The following DSE variants were observed in gnomAD, a reference collection of about 807,000 sequenced individuals.
DSE encodes dermatan sulfate epimerase, also known as dermatan-sulfate epimerase.
A neutral mutation model predicts 84.4 loss-of-function variants in DSE; 36 were observed. That is an observed-to-expected ratio of 0.43 (90% CI 0.33 to 0.56). The LOEUF is 0.56. Ranked by LOEUF, DSE falls within the 20% of genes least tolerant of loss-of-function variation. DSE has a pLI of 0.06. For missense variants in DSE, 862 were observed against 1,169.6 expected, an observed-to-expected ratio of 0.74 and a Z score of 3.84; for synonymous variants, 410 against 430.1, an observed-to-expected ratio of 0.95 and a Z score of 0.58.
chr6:116,438,076 G>A lies in DSE; in HGVS notation c.*731G>A, dbSNP rs202222947. On this transcript the variant is annotated 3_prime_UTR_variant, in exon 6 of 6. Coordinates refer to ENST00000644252, the MANE Select transcript of DSE (RefSeq NM_013352.4). ...TTGTTCAATAAGTGAGATGATTACA[G>A]ATAATACTGTATTTTCCTTATATGG... The A allele has an allele frequency of 1.6e-5, 1 of 60,826 alleles. No individual in the cohort carries two copies. The highest frequency in any genetic ancestry group is 2.0e-4 in the Admixed American group (1 of 4,928). 3.8% of individuals were successfully genotyped at this position (60,826 alleles called of 1,614,324 possible).
intron 2 of DSE, chr6:116,400,627 A>C (rs1371618178): frequency 1.3e-5 from 2 of 152,220 alleles, no homozygotes; most frequent in Non-Finnish European, 2.9e-5. Flanking sequence ...GTATTATGCA[A>C]GAGTTGGCAT....
intron 2 of DSE, among the ~76,000 whole-genome samples, chr6:116,326,855 C>A (rs529993033): frequency 1.3e-5 from 2 of 152,180 alleles, no homozygotes; most frequent in African/African-American, 4.8e-5. Flanking sequence ...TTTCTTACTT[C>A]ATTCTAGTAG....
chr6:116,288,855 A>G (rs183975688), intron 2 of DSE, among the ~76,000 whole-genome samples: 1 of 152,144 alleles, frequency 6.6e-6, no homozygotes, highest in East Asian at 1.9e-4. Context: ...ATGCCATACC[A>G]CAGAGGTAGC....
chr6:116,433,608 TA>T, intron 5 of DSE, 58 bp downstream of exon 5: 1 of 1,506,720 alleles, frequency 6.6e-7, no homozygotes, highest in Non-Finnish European at 9.0e-7. Flanking sequence ...CTATTCATGC[TA>T]TGCACTTGTT....
At chr6:116,348,802 A>C (rs1184501255) in intron 2 of DSE, among the ~76,000 whole-genome samples, 1 of 152,240 alleles carries the variant, frequency 6.6e-6, no homozygotes, top group East Asian at 1.9e-4. Flanking sequence ...GCCATAAAAA[A>C]GGATGAGTTC....
chr6:116,410,336 A>G lies in DSE; in HGVS notation c.416+10670A>G, dbSNP rs184576870. ...AGACTACCCTGATGCCCCAGTGCCT[A>G]CAGGCGTCATGTCCTTGTGTTCCCT... On this transcript the variant is annotated intron_variant, in intron 2 of 5. Coordinates refer to ENST00000644252, the MANE Select transcript of DSE (RefSeq NM_013352.4). Among the ~76,000 whole-genome samples, 37 of 152,254 alleles carry G rather than the reference A, an allele frequency of 2.4e-4. No individual in the cohort carries two copies. In the East Asian group the frequency reaches 5.8e-3, roughly 24 times the overall value.
intron 2 of DSE, among the ~76,000 whole-genome samples, chr6:116,275,901 T>C (rs191884743): frequency 6.6e-6 from 1 of 152,114 alleles, no homozygotes; most frequent in African/African-American, 2.4e-5. Context: ...AGAGTGAACA[T>C]GGGAAAAACA....
intron 2 of DSE, among the ~76,000 whole-genome samples, chr6:116,343,426 G>C (rs546748778): frequency 6.6e-6 from 1 of 152,178 alleles, no homozygotes; most frequent in East Asian, 1.9e-4. Context: ...CATACAGCCA[G>C]GTCCCCCTCT....
chr6:116,284,061 C>T (rs932497650), intron 2 of DSE, among the ~76,000 whole-genome samples: 4 of 152,052 alleles, frequency 2.6e-5, no homozygotes, highest in Non-Finnish European at 5.9e-5. Context: ...TTCACTACCC[C>T]CAAAGATAGT....
intron 2 of DSE, among the ~76,000 whole-genome samples, chr6:116,361,012 T>G (rs1778855280): frequency 6.6e-6 from 1 of 152,172 alleles, no homozygotes; most frequent in African/African-American, 2.4e-5. Context: ...ATAGAGCCAT[T>G]TATATTCTAA....
intron 2 of DSE, among the ~76,000 whole-genome samples, chr6:116,360,462 T>C (rs918514808): frequency 1.3e-5 from 2 of 152,224 alleles, no homozygotes; most frequent in Admixed American, 6.5e-5. Context: ...ATTTTACTTA[T>C]TGAAACATGG....
chr6:116,344,173 G>T (rs1205621085), intron 2 of DSE, among the ~76,000 whole-genome samples: 1 of 152,218 alleles, frequency 6.6e-6, no homozygotes, highest in Admixed American at 6.5e-5. Flanking sequence ...ATACCTGAAA[G>T]TGACAGGGAG....
rs182727262 is a variant in DSE, at chr6:116,375,482, C to T, written c.-54+4361C>T. 526 of 971,308 alleles carry T rather than the reference C, an allele frequency of 5.4e-4. No homozygotes were observed. The African/African-American group carries it at 6.3e-3, about 12-fold the overall frequency. 60.2% of individuals were successfully genotyped at this position (971,308 alleles called of 1,614,324 possible). Reference sequence around the variant, plus strand: ...TCACACCACTGCACTCCAGCCTGGGCGACAGAGCAAGATCCTGCCTCAAAG... The same window carrying T: ...TCACACCACTGCACTCCAGCCTGGGTGACAGAGCAAGATCCTGCCTCAAAG... On this transcript the variant is annotated intron_variant, in intron 1 of 5. Coordinates refer to ENST00000644252, the MANE Select transcript of DSE (RefSeq NM_013352.4).
intron 2 of DSE, among the ~76,000 whole-genome samples, chr6:116,410,929 G>A (rs1027895345): frequency 5.3e-5 from 8 of 151,948 alleles, no homozygotes; most frequent in Admixed American, 1.3e-4. Flanking sequence ...GTATTTGAGG[G>A]CCAAAGGAGA....
At chr6:116,410,065 C>T (rs1232241853) in intron 2 of DSE, among the ~76,000 whole-genome samples, 1 of 152,080 alleles carries the variant, frequency 6.6e-6, no homozygotes, top group South Asian at 2.1e-4. Context: ...CTTTTTTTTA[C>T]AAGTACTGTG....
At chr6:116,346,774 A>G (rs1778004152) in intron 2 of DSE, among the ~76,000 whole-genome samples, 1 of 152,194 alleles carries the variant, frequency 6.6e-6, no homozygotes, top group African/African-American at 2.4e-5. Flanking sequence ...GGCCAGGGCA[A>G]TCAGGCAGGA....
intron 2 of DSE, among the ~76,000 whole-genome samples, chr6:116,343,234 C>A (rs916734175): frequency 7.2e-5 from 11 of 152,320 alleles, no homozygotes; most frequent in East Asian, 3.9e-4. Context: ...CATAGCTGAA[C>A]AAAAGGCAGC....
intron 2 of DSE, among the ~76,000 whole-genome samples, chr6:116,359,760 TATA>T (rs1778786935): frequency 2.0e-5 from 3 of 152,328 alleles, no homozygotes; most frequent in African/African-American, 7.2e-5. Context: ...ATTAGGAATC[TATA>T]ATACTTCCAT....
intron 2 of DSE, among the ~76,000 whole-genome samples, chr6:116,348,381 C>T (rs555000989): frequency 2.6e-5 from 4 of 151,254 alleles, no homozygotes; most frequent in South Asian, 2.1e-4. Flanking sequence ...GAGCCGAGAT[C>T]GTGCCACTGC....
Sources: allele counts gnomAD v4.1 joint callset (sites outside exome capture counted in the v4.1 genomes callset), GRCh38; gene constraint gnomAD v4.1.1; transcripts MANE v1.5; gene names NCBI Gene and HGNC (gene_info 2026-07-23, HGNC 2026-07-21).